LRRIQ1: variants seen among roughly 807,000 people sequenced by gnomAD.
LRRIQ1 encodes leucine rich repeats and IQ motif containing 1, also known as leucine-rich repeat- and IQ domain-containing protein 1.
A neutral mutation model predicts 211.9 loss-of-function variants in LRRIQ1; 210 were observed. The observed-to-expected ratio is 0.99, with a 90% CI of 0.89 to 1.11. The LOEUF (loss-of-function observed/expected upper bound fraction) is 1.11, where lower values mean the gene tolerates loss of function less well. Ranked by LOEUF, LRRIQ1 falls within the 50% of genes most tolerant of loss-of-function variation. The pLI is 0.00. For missense variants in LRRIQ1, 2,136 were observed against 1,939.5 expected (o/e 1.10, Z -1.90); for synonymous variants, 699 against 650.1 (o/e 1.08, Z -1.14).
In LRRIQ1 at chr12:85,043,270, GA is replaced by G. The variant is rs1272458226; in HGVS notation, c.245-1447del. On this transcript the variant is annotated intron_variant, in intron 3 of 26. Transcript: ENST00000393217. The stretch of plus-strand genomic sequence containing the variant: ...TGGGTTTTTCATGCATTTATAGTCA[GA>G]TGTTGATTAAGTCTGTAGTCATCTG... Among the ~76,000 whole-genome samples the G allele has an allele frequency of 3.9e-5, 6 of 152,174 alleles. No individual in the cohort carries two copies. In the East Asian group the frequency reaches 1.2e-3, roughly 29 times the overall value.
intron 5 of LRRIQ1, among the ~76,000 whole-genome samples, chr12:85,046,508 G>C (rs1879604895): frequency 6.6e-6 from 1 of 152,058 alleles, no homozygotes; most frequent in African/African-American, 2.4e-5. Flanking sequence ...ATTCACTTTG[G>C]TGAAATTTCT....
At chr12:85,116,731 C>T (rs1291148414) in intron 15 of LRRIQ1, among the ~76,000 whole-genome samples, 2 of 152,090 alleles carry the variant, frequency 1.3e-5, no homozygotes, top group African/African-American at 4.8e-5. Context: ...AAGTAGACCC[C>T]AATGTCTGTT....
intron 24 of LRRIQ1, among the ~76,000 whole-genome samples, chr12:85,207,131 C>T (rs1425469671): frequency 6.6e-6 from 1 of 152,118 alleles, no homozygotes; most frequent in Admixed American, 6.6e-5. Context: ...CACTTGTCAC[C>T]TGCTCTACTG....
At chr12:85,049,747 G>T (rs1322246686) in intron 6 of LRRIQ1, among the ~76,000 whole-genome samples, 2 of 152,030 alleles carry the variant, frequency 1.3e-5, no homozygotes, top group Admixed American at 6.5e-5. Context: ...GTTTTTTGCA[G>T]CATTACCACA....
chr12:85,198,641 C>T (rs938302602), intron 24 of LRRIQ1, among the ~76,000 whole-genome samples: 4 of 151,536 alleles, frequency 2.6e-5, no homozygotes, highest in African/African-American at 9.7e-5. Flanking sequence ...TATCTCAGCT[C>T]ACTGCAAGCT....
At chr12:85,210,092 A>G (rs1391173960) in intron 24 of LRRIQ1, among the ~76,000 whole-genome samples, 1 of 152,192 alleles carries the variant, frequency 6.6e-6, no homozygotes, top group African/African-American at 2.4e-5. Context: ...ATTTTGAAAT[A>G]GTTTTTCATA....
At chr12:85,042,457 A>C (rs1305150323) in intron 3 of LRRIQ1, among the ~76,000 whole-genome samples, 1 of 148,230 alleles carries the variant, frequency 6.7e-6, no homozygotes, top group African/African-American at 2.4e-5. Context: ...TTAAATTAAA[A>C]TAATTGTTAA....
downstream of LRRIQ1, among the ~76,000 whole-genome samples, chr12:85,267,090 A>T (rs891960643): frequency 3.3e-5 from 5 of 152,096 alleles, no homozygotes; most frequent in African/African-American, 1.2e-4. Flanking sequence ...ACTATTTTTT[A>T]AAATAAATAC....
chr12:85,163,119 A>G (rs1189711959), intron 24 of LRRIQ1, among the ~76,000 whole-genome samples: 1 of 152,116 alleles, frequency 6.6e-6, no homozygotes, highest in Non-Finnish European at 1.5e-5. Context: ...GCAGCTTCCA[A>G]AGAAATATCC....
At chr12:85,058,854 T>A (rs573215447) in intron 8 of LRRIQ1, among the ~76,000 whole-genome samples, 1 of 152,080 alleles carries the variant, frequency 6.6e-6, no homozygotes, top group African/African-American at 2.4e-5. Context: ...AGTGGACTAA[T>A]CTGAGTAGCA....
Position 85,212,269 on chromosome 12 carries a change from C to T in LRRIQ1, c.4823-17248C>T, listed in dbSNP as rs563715546. ...ACCACTGCACTCCAACCTGGGCAAC[C>T]AAGGTAAGACCCTGTCTCAAAAAAA... On this transcript the variant is annotated intron_variant, in intron 24 of 26. Transcript: ENST00000393217. Among the ~76,000 whole-genome samples, 7 of 151,430 alleles carry T rather than the reference C, an allele frequency of 4.6e-5. No homozygotes were observed. The East Asian group carries it at 1.4e-3, about 29-fold the overall frequency.
At chr12:85,188,938 A>G (rs1217628584) in intron 24 of LRRIQ1, among the ~76,000 whole-genome samples, 1 of 152,172 alleles carries the variant, frequency 6.6e-6, no homozygotes, top group Non-Finnish European at 1.5e-5. Flanking sequence ...AGATGAAGAA[A>G]TCAGGTTCAG....
chr12:85,143,315 GT>G (rs1889670289), intron 19 of LRRIQ1, among the ~76,000 whole-genome samples: 1 of 151,418 alleles, frequency 6.6e-6, no homozygotes, highest in Non-Finnish European at 1.5e-5. Context: ...TTTGTTGTTT[GT>G]TATTGAGTTG....
intron 24 of LRRIQ1, among the ~76,000 whole-genome samples, chr12:85,171,059 A>G (rs763822101): frequency 6.6e-6 from 1 of 152,154 alleles, no homozygotes; most frequent in African/African-American, 2.4e-5. Flanking sequence ...GAAACAAGAG[A>G]CGATGTAAGT....
intron 11 of LRRIQ1, among the ~76,000 whole-genome samples, chr12:85,076,883 C>T (rs1205212644): frequency 6.6e-6 from 1 of 151,642 alleles, no homozygotes; most frequent in Non-Finnish European, 1.5e-5. Flanking sequence ...TTAGGTATCT[C>T]GCCAGTCTAG....
chr12:85,040,744 G>A (rs1476415528), intron 3 of LRRIQ1, 143 bp downstream of exon 3: 5 of 444,980 alleles, frequency 1.1e-5, no homozygotes, highest in African/African-American at 1.0e-4. Flanking sequence ...TATATCTACA[G>A]TATATTGGAC....
At chr12:85,224,681 C>CA (rs1894561963) in intron 24 of LRRIQ1, among the ~76,000 whole-genome samples, 1 of 127,274 alleles carries the variant, frequency 7.9e-6, no homozygotes, top group African/African-American at 3.1e-5. Context: ...GGGAGTTGAA[C>CA]AATGAGAACA....
downstream of LRRIQ1, among the ~76,000 whole-genome samples, chr12:85,247,851 T>C (rs373458205): frequency 0.029 from 1 of 34 alleles, no homozygotes; most frequent in Non-Finnish European, 0.071. Context: ...AGGCAATATT[T>C]CTTTTGTTAG....
At chr12:85,232,823 A>T in intron 26 of LRRIQ1, 67 bp downstream of exon 26, 1 of 1,053,626 alleles carries the variant, frequency 9.5e-7, no homozygotes. Flanking sequence ...ATGGCACTTT[A>T]AGATATGTTT....
Sources: allele counts gnomAD v4.1 joint callset (sites outside exome capture counted in the v4.1 genomes callset), GRCh38; gene constraint gnomAD v4.1.1; transcripts MANE v1.5; gene names NCBI Gene and HGNC (gene_info 2026-07-23, HGNC 2026-07-21).